Variants in MAP4K5 observed in about 807,000 individuals in gnomAD.
MAP4K5 encodes the protein mitogen-activated protein kinase kinase kinase kinase 5, also known as MAPK/ERK kinase kinase kinase 5.
Under a neutral mutation model 135.6 loss-of-function variants are expected in MAP4K5, and 82 were observed. The observed-to-expected ratio is 0.60, with a 90% CI of 0.51 to 0.73. The LOEUF (loss-of-function observed/expected upper bound fraction) is 0.73, where lower values mean the gene tolerates loss of function less well. Among genes scored for constraint, MAP4K5 ranks in the 30% least tolerant of loss-of-function variants. The pLI is 0.00. For missense variants in MAP4K5, 907 were observed against 1,010.9 expected, an observed-to-expected ratio of 0.90 and a Z score of 1.39; for synonymous variants, 347 against 335.0, an observed-to-expected ratio of 1.04 and a Z score of -0.39.
At chr14:50,457,583 T>C (rs1196040131) in intron 13 of MAP4K5, among the ~76,000 whole-genome samples, 1 of 152,064 alleles carries the variant, frequency 6.6e-6, no homozygotes, top group East Asian at 1.9e-4. Context: ...CCCAGGAGGA[T>C]CCATTGTTCT....
At position 50,504,866 on chromosome 14, in the gene MAP4K5, A is replaced by C; in HGVS notation, c.109-9T>G. ...GTGTGTACATTTCTGGCCTAAAAAT[A>C]AAATAAAAACAAAAATCTTGTTAAT... is the stretch of plus-strand genomic sequence containing the variant. On this transcript the variant is annotated splice_polypyrimidine_tract_variant and intron_variant, in intron 2 of 32. Coordinates refer to ENST00000682126, the MANE Select transcript of MAP4K5 (RefSeq NM_006575.6). The C allele has an allele frequency of 1.3e-6, 2 of 1,524,476 alleles. No individual in the cohort carries two copies. The highest frequency in any genetic ancestry group is 8.8e-7 in the Non-Finnish European group (1 of 1,136,988). 94.4% of individuals were successfully genotyped at this position (1,524,476 alleles called of 1,614,324 possible).
intron 13 of MAP4K5, among the ~76,000 whole-genome samples, chr14:50,458,745 T>C (rs1287383095): frequency 6.6e-6 from 1 of 152,192 alleles, no homozygotes; most frequent in African/African-American, 2.4e-5. Context: ...TCACATTTAC[T>C]CCTAAGGCAT....
At chr14:50,439,873 G>A in intron 23 of MAP4K5, 140 bp downstream of exon 23, 1 of 905,780 alleles carries the variant, frequency 1.1e-6, no homozygotes, top group East Asian at 3.3e-5. Context: ...TTCTAGGTGG[G>A]TAGCAAATAT....
chr14:50,550,342 C>T (rs2038686656), intron 1 of MAP4K5, among the ~76,000 whole-genome samples: 2 of 152,164 alleles, frequency 1.3e-5, no homozygotes, highest in African/African-American at 4.8e-5. Flanking sequence ...AGTAGATATA[C>T]CCATGAGGGT....
At chr14:50,533,180 T>G (rs1239896679), upstream of MAP4K5, 1 of 152,300 alleles carries the variant, frequency 6.6e-6, no homozygotes, top group Non-Finnish European at 1.5e-5. Context: ...TCAATGACCT[T>G]TGTCCCTGTT....
intron 2 of MAP4K5, among the ~76,000 whole-genome samples, chr14:50,510,040 G>A (rs2037899140): frequency 6.6e-6 from 1 of 152,108 alleles, no homozygotes; most frequent in Non-Finnish European, 1.5e-5. Flanking sequence ...AATGACTGAT[G>A]CTAACACATT....
chr14:50,548,440 C>T (rs2038661778), intron 1 of MAP4K5, among the ~76,000 whole-genome samples: 1 of 152,188 alleles, frequency 6.6e-6, no homozygotes, highest in Admixed American at 6.5e-5. Context: ...ACTAGAGATG[C>T]CACAAGGATG....
chr14:50,450,256 T>A (rs1416605434), intron 14 of MAP4K5: 1 of 152,154 alleles, frequency 6.6e-6, no homozygotes, highest in Non-Finnish European at 1.5e-5. Context: ...CATTTTTAAA[T>A]AACAGAAATT....
chr14:50,424,433 G>A (rs1018615999), intron 31 of MAP4K5, among the ~76,000 whole-genome samples: 2 of 152,118 alleles, frequency 1.3e-5, no homozygotes, highest in East Asian at 1.9e-4. Flanking sequence ...AAAATAGGCC[G>A]GGTGTGGGGC....
At position 50,437,586 on chromosome 14, in the gene MAP4K5, A is replaced by G. The variant is rs73286534; in HGVS notation, c.1824-52T>C. On this transcript the variant is annotated intron_variant, in intron 25 of 32. Transcript: ENST00000682126. The stretch of plus-strand genomic sequence containing the variant: ...ACTCTACAGTAGTGGTTACAACACA[A>G]TGATTTGTAAATCAGTTGCATCAGA... The G allele has an allele frequency of 1.1e-3, 1,400 of 1,217,930 alleles. 9 individuals are homozygous for G. The African/African-American group carries it at 0.019, about 16-fold the overall frequency. 75.4% of individuals were successfully genotyped at this position (1,217,930 alleles called of 1,614,324 possible). A position where few individuals can be genotyped will look rare whatever the true frequency, so the allele number is the denominator to read the frequency against.
chr14:50,448,676 G>C lies in MAP4K5; in HGVS notation c.1074+98C>G, dbSNP rs1595450003. ...AAATTGTCAAAATTAATGCTTAAAA[G>C]AGTATATTACTTTGTTTTCTAATCA... On this transcript the variant is annotated intron_variant, in intron 15 of 32. Coordinates refer to ENST00000682126, the MANE Select transcript of MAP4K5 (RefSeq NM_006575.6). 8.3e-5 allele frequency: 53 copies of C among 642,196 alleles called. No homozygotes were observed. In the East Asian group the frequency reaches 1.5e-3, roughly 19 times the overall value. The allele number at this position is 642,196 out of a possible 1,614,324, so 39.8% of individuals were successfully genotyped here. A position where few individuals can be genotyped will look rare whatever the true frequency, so the allele number is the denominator to read the frequency against.
intron 21 of MAP4K5, among the ~76,000 whole-genome samples, chr14:50,441,076 T>C (rs1053119857): frequency 5.3e-5 from 8 of 152,144 alleles, no homozygotes; most frequent in Admixed American, 5.2e-4. Flanking sequence ...TCATATCGCA[T>C]GGAATAAAAT....
intron 1 of MAP4K5, among the ~76,000 whole-genome samples, chr14:50,553,414 C>T (rs1168937609): frequency 6.6e-6 from 1 of 151,850 alleles, no homozygotes; most frequent in Non-Finnish European, 1.5e-5. Flanking sequence ...CAACCTCATT[C>T]CTGCAGGAAT....
chr14:50,519,966 G>C (rs549672528), intron 2 of MAP4K5, among the ~76,000 whole-genome samples: 1 of 152,318 alleles, frequency 6.6e-6, no homozygotes, highest in East Asian at 1.9e-4. Flanking sequence ...AGTTACACCT[G>C]ATTCTTTCTG....
intron 2 of MAP4K5, among the ~76,000 whole-genome samples, chr14:50,509,288 TG>T (rs1329272132): frequency 6.6e-6 from 1 of 152,138 alleles, no homozygotes; most frequent in Non-Finnish European, 1.5e-5. Context: ...TGTATTCTGA[TG>T]ACAATATTTC....
chr14:50,486,759 C>G (rs1176682721), intron 3 of MAP4K5, among the ~76,000 whole-genome samples: 2 of 151,970 alleles, frequency 1.3e-5, no homozygotes, highest in South Asian at 4.2e-4. Flanking sequence ...GGTGAGACCC[C>G]GTTTCTACTA....
At chr14:50,473,366 A>G (rs1356441141) in intron 9 of MAP4K5, among the ~76,000 whole-genome samples, 1 of 152,074 alleles carries the variant, frequency 6.6e-6, no homozygotes, top group African/African-American at 2.4e-5. Context: ...TTTTGCTAAT[A>G]GAGTTGGTAT....
chr14:50,450,758 T>C (rs1226044221), intron 14 of MAP4K5, among the ~76,000 whole-genome samples: 1 of 152,220 alleles, frequency 6.6e-6, no homozygotes, highest in Non-Finnish European at 1.5e-5. Flanking sequence ...AAGACCTTGC[T>C]GAATACTCTA....
chr14:50,471,680 C>A (rs777633147), intron 9 of MAP4K5: 1 of 151,964 alleles, frequency 6.6e-6, no homozygotes, highest in South Asian at 2.1e-4. Flanking sequence ...AGGGAATATG[C>A]GAAAGAATTA....
Sources: allele counts gnomAD v4.1 joint callset (sites outside exome capture counted in the v4.1 genomes callset), GRCh38; gene constraint gnomAD v4.1.1; transcripts MANE v1.5; gene names NCBI Gene and HGNC (gene_info 2026-07-23, HGNC 2026-07-21).